Variants in NRAP observed in about 807,000 individuals in gnomAD.
NRAP encodes the protein nebulin-related-anchoring protein.
A neutral mutation model predicts 225.9 loss-of-function variants in NRAP; 189 were observed. That is an observed-to-expected ratio of 0.84 (90% CI 0.74 to 0.94). The LOEUF is 0.94. Ranked by LOEUF, NRAP falls within the 40% of genes least tolerant of loss-of-function variation. NRAP has a pLI of 0.00. For missense variants in NRAP, 2,176 were observed against 2,168.7 expected (o/e 1.00, Z -0.07); for synonymous variants, 769 against 790.7 (o/e 0.97, Z 0.46).
intron 14 of NRAP, among the ~76,000 whole-genome samples, chr10:113,639,311 G>A (rs780186416): frequency 1.3e-5 from 2 of 152,080 alleles, no homozygotes; most frequent in Non-Finnish European, 2.9e-5. Flanking sequence ...TCTGATGTCT[G>A]GGCACTGGGT....
intron 13 of NRAP, among the ~76,000 whole-genome samples, 161 bp from the exon 14 acceptor site, chr10:113,640,492 A>C (rs1849140014): frequency 6.6e-6 from 1 of 152,222 alleles, no homozygotes; most frequent in African/African-American, 2.4e-5. Flanking sequence ...GTCTTTAATG[A>C]ATCTGAATTC....
intron 26 of NRAP, among the ~76,000 whole-genome samples, chr10:113,616,487 T>G (rs1033992001): frequency 6.6e-6 from 1 of 152,224 alleles, no homozygotes; most frequent in East Asian, 1.9e-4. Flanking sequence ...GTATTGTTTT[T>G]CTTCATACAA....
chr10:113,612,312 A>G lies in NRAP; in HGVS notation c.3420T>C (p.His1140=), dbSNP rs763433123. ...QTLASNQDYK[H]PLPQYTSLAE... Reference sequence around the variant, plus strand: ...CCAAGGAAGTGTACTGGGGCAGTGGATGTTTGTAGTCCTGATTGCTGGCCA... The same window carrying G: ...CCAAGGAAGTGTACTGGGGCAGTGGGTGTTTGTAGTCCTGATTGCTGGCCA... The change falls in exon 30 of 42, where the codon CAT becomes CAC. Residue 1140 remains histidine (H), a synonymous_variant. Transcript: ENST00000359988. The G allele has an allele frequency of 6.2e-7, 1 of 1,614,120 alleles. No homozygotes were observed. The highest frequency in any genetic ancestry group is 8.5e-7 in the Non-Finnish European group (1 of 1,179,992).
chr10:113,652,000 C>T (rs1410954180), intron 6 of NRAP, 93 bp from the exon 7 acceptor site: 1 of 790,994 alleles, frequency 1.3e-6, no homozygotes, highest in Non-Finnish European at 2.2e-6. Context: ...CACCATCAGG[C>T]TACACTCAAT....
Position 113,617,558 on chromosome 10 carries a change from T to C in NRAP, c.2875-5A>G. The stretch of plus-strand genomic sequence containing the variant: ...TGGATGCTGACGGTACTTCTTCTGT[T>C]GAGCAGAAAAAGATCAAAGCTGTGA... On this transcript the variant is annotated splice_polypyrimidine_tract_variant and splice_region_variant and intron_variant, in intron 25 of 41. Coordinates refer to ENST00000359988, the MANE Select transcript of NRAP (RefSeq NM_198060.4). The C allele has an allele frequency of 6.3e-7, 1 of 1,575,200 alleles. No individual in the cohort carries two copies. The highest frequency in any genetic ancestry group is 8.7e-7 in the Non-Finnish European group (1 of 1,144,490).
At position 113,605,291 on chromosome 10, in the gene NRAP, T is replaced by C. The variant is rs569070643; in HGVS notation, c.3916-371A>G. Among the ~76,000 whole-genome samples the C allele has an allele frequency of 7.2e-5, 11 of 152,372 alleles. No individual in the cohort carries two copies. The South Asian group carries it at 1.9e-3, about 26-fold the overall frequency. On this transcript the variant is annotated intron_variant, in intron 34 of 41. Coordinates refer to ENST00000359988, the MANE Select transcript of NRAP (RefSeq NM_198060.4). ...TCCACATTTTTCTGTGATTTGTTTG[T>C]GGGAAAGAGAAAGTCACCTTCATGT...
At position 113,663,858 on chromosome 10, in the gene NRAP, A is replaced by G; in HGVS notation, c.25T>C (p.Cys9Arg). 6.2e-7 allele frequency: 1 copy of G among 1,613,890 alleles called. No homozygotes were observed. MNVQPCSRCGYGVYPAEKI... is the reference protein window; with the variant it reads MNVQPCSRRGYGVYPAEKI... ...TCGGCAGGATAAACCCCATACCCAC[A>G]CCTAGAACAGGGCTGCACATTCATC... Residue 9 changes from cysteine (C) to arginine (R), a missense_variant, in exon 1 of 42, where the codon TGT becomes CGT. By Grantham distance (180) the Cys-to-Arg change is radical. Transcript: ENST00000359988.
chr10:113,623,845 AAAG>A, intron 22 of NRAP, among the ~76,000 whole-genome samples: 1 of 152,220 alleles, frequency 6.6e-6, no homozygotes, highest in Non-Finnish European at 1.5e-5. Context: ...TCAATCAAAA[AAAG>A]CAGAAATTAA....
In NRAP at chr10:113,642,901, T is replaced by C. The variant is rs756507721; in HGVS notation, c.1215+33A>G. 4.5e-6 allele frequency: 5 copies of C among 1,108,612 alleles called. No individual in the cohort carries two copies. In the Admixed American group the frequency reaches 6.7e-5, roughly 15 times the overall value. 68.7% of individuals were successfully genotyped at this position (1,108,612 alleles called of 1,614,324 possible). A position where few individuals can be genotyped will look rare whatever the true frequency, so the allele number is the denominator to read the frequency against. ...ACCTAAAGACTAAGCTCACCAACAG[T>C]GCCCAAACAAAAGCTTAGCGTTAAC... On this transcript the variant is annotated intron_variant, in intron 12 of 41. Transcript: ENST00000359988.
At chr10:113,617,605 C>T (rs749637445) in intron 25 of NRAP, 52 bp from the exon 26 acceptor site, 2 of 1,051,344 alleles carry the variant, frequency 1.9e-6, no homozygotes, top group Admixed American at 3.4e-5. Context: ...CTCTTTCATG[C>T]CATTTGAAAG....
chr10:113,605,062 T>G (rs1221406716), intron 34 of NRAP, 142 bp from the exon 35 acceptor site: 1 of 789,610 alleles, frequency 1.3e-6, no homozygotes, highest in African/African-American at 1.7e-5. Context: ...CCTTCCTCCC[T>G]GGGGGATGAA....
chr10:113,610,420 G>C (rs1418651828), intron 31 of NRAP, 39 bp downstream of exon 31: 1 of 924,112 alleles, frequency 1.1e-6, no homozygotes, highest in Admixed American at 1.7e-5. Flanking sequence ...CTCTGCTGTG[G>C]AAATGTCCTG....
chr10:113,617,360 C>T (rs972272684), intron 26 of NRAP, 95 bp downstream of exon 26: 3 of 799,058 alleles, frequency 3.8e-6, no homozygotes, highest in African/African-American at 1.7e-5. Context: ...CTTAGGACAA[C>T]AGAAGGAGCA....
rs571986855 is a variant in NRAP, at chr10:113,602,362, T to C, written c.4227+2247A>G. Among the ~76,000 whole-genome samples the C allele has an allele frequency of 2.6e-5, 4 of 152,278 alleles. No homozygotes were observed. In the South Asian group the frequency reaches 6.2e-4, roughly 24 times the overall value. On this transcript the variant is annotated intron_variant, in intron 35 of 41. Coordinates refer to ENST00000359988, the MANE Select transcript of NRAP (RefSeq NM_198060.4). ...GTTCTGTCCCAGAAGGTTTCTGTTCTCCCAAGAAATAGGCCATTGACAAGA... is the reference window on the plus strand; with the variant it reads ...GTTCTGTCCCAGAAGGTTTCTGTTCCCCCAAGAAATAGGCCATTGACAAGA...
At chr10:113,642,273 C>T (rs968893550) in intron 12 of NRAP, among the ~76,000 whole-genome samples, 3 of 152,174 alleles carry the variant, frequency 2.0e-5, no homozygotes, top group African/African-American at 7.2e-5. Flanking sequence ...AAATTGGCCA[C>T]TTTGCTATTA....
chr10:113,635,409 C>T (rs924836347), intron 14 of NRAP, among the ~76,000 whole-genome samples: 2 of 152,126 alleles, frequency 1.3e-5, no homozygotes, highest in East Asian at 1.9e-4. Context: ...TAGCAGATAA[C>T]CTCTTTCACA....
rs1359494754 is a variant in NRAP, at chr10:113,612,249, GT to G, written c.3482del (p.His1161ProfsTer13). 8 of 1,613,960 alleles carry G rather than the reference GT, an allele frequency of 5.0e-6. No individual in the cohort carries two copies. The highest frequency in any genetic ancestry group is 1.7e-5 in the Admixed American group (1 of 60,004). On this transcript the variant is annotated frameshift_variant, in exon 30 of 42. Transcript: ENST00000359988. LOFTEE classifies it high-confidence loss of function. ...DLRLSCAKKAHKLQSENLYRS... is the reference protein window; with the variant it reads ...DLRLSCAKKAXKLQSENLYRS... The stretch of plus-strand genomic sequence containing the variant: ...GTCTCCTTACCTCACTCTGCAATTT[GT>G]GAGCTTTCTTGGCACAGCTCAGCCT...
chr10:113,644,045 G>A (rs1284842075), intron 11 of NRAP, among the ~76,000 whole-genome samples: 1 of 147,796 alleles, frequency 6.8e-6, no homozygotes, highest in African/African-American at 2.5e-5. Flanking sequence ...CTACTCAGGA[G>A]GCTGAGGAAG....
At chr10:113,648,591 G>T (rs1849745472) in intron 9 of NRAP, among the ~76,000 whole-genome samples, 1 of 151,584 alleles carries the variant, frequency 6.6e-6, no homozygotes, top group Non-Finnish European at 1.5e-5. Flanking sequence ...AGAATGAATT[G>T]GTTGGCATTT....
Sources: allele counts gnomAD v4.1 joint callset (sites outside exome capture counted in the v4.1 genomes callset), GRCh38; gene constraint gnomAD v4.1.1; transcripts MANE v1.5; gene names NCBI Gene and HGNC (gene_info 2026-07-23, HGNC 2026-07-21).